The following PLCG2 variants were observed in gnomAD, a reference collection of about 807,000 sequenced individuals.
PLCG2 encodes 1-phosphatidylinositol 4,5-bisphosphate phosphodiesterase gamma-2.
In PLCG2, 69 loss-of-function variants were observed where a neutral mutation model predicts 175.6. The observed-to-expected ratio is 0.39, with a 90% CI of 0.32 to 0.48. The LOEUF (loss-of-function observed/expected upper bound fraction) is 0.48, where lower values mean the gene tolerates loss of function less well. PLCG2 is among the 20% of genes least tolerant of loss of function. The pLI, the probability that PLCG2 is intolerant of heterozygous loss-of-function variation, is 0.91. For missense variants in PLCG2, 1,798 were observed against 1,650.9 expected (o/e 1.09, Z -1.54); for synonymous variants, 827 against 624.0 (o/e 1.33, Z -4.85).
At chr16:81,868,511 C>T (rs531772596) in intron 5 of PLCG2, among the ~76,000 whole-genome samples, 1 of 152,284 alleles carries the variant, frequency 6.6e-6, no homozygotes, top group South Asian at 2.1e-4. Flanking sequence ...GGTTTTGGTT[C>T]CTCTGGGTGG....
chr16:81,939,822 A>G, intron 29 of PLCG2, 70 bp from the exon 30 acceptor site: 1 of 985,544 alleles, frequency 1.0e-6, no homozygotes, highest in East Asian at 2.4e-5. Flanking sequence ...CAGCTGAAGG[A>G]TGCGGAGATT....
Position 81,865,045 on chromosome 16 carries a change from TG to T in PLCG2, c.480-4164del, listed in dbSNP as rs557117869. 2.6e-4 allele frequency among the ~76,000 whole-genome samples: 39 copies of T among 152,212 alleles called. 1 individual carries two copies. In the East Asian group the frequency reaches 7.3e-3, roughly 29 times the overall value. ...ACTAGGGAGTGCAGGGTCATCACCCTGGGGGAAGGAAGGCAGCTGGAACAGG... is the reference window on the plus strand; with the variant it reads ...ACTAGGGAGTGCAGGGTCATCACCCTGGGGAAGGAAGGCAGCTGGAACAGG... On this transcript the variant is annotated intron_variant, in intron 5 of 32. Transcript: ENST00000564138.
intron 9 of PLCG2, among the ~76,000 whole-genome samples, chr16:81,887,995 A>C (rs571673622): frequency 6.6e-6 from 1 of 151,894 alleles, no homozygotes; most frequent in East Asian, 1.9e-4. Context: ...AAAAGAGGGC[A>C]TATGATTACA....
chr16:81,935,598 A>T (rs1220042315), intron 26 of PLCG2: 1 of 985,140 alleles, frequency 1.0e-6, no homozygotes, highest in Non-Finnish European at 1.2e-6. Flanking sequence ...GCCAGTCCCT[A>T]GGAACTTCTA....
intron 11 of PLCG2, 65 bp from the exon 12 acceptor site, chr16:81,893,644 G>T (rs1393322051): frequency 1.1e-6 from 1 of 939,142 alleles, no homozygotes; most frequent in African/African-American, 1.6e-5. Flanking sequence ...ACCCTGAGGT[G>T]CAGGCTTGCC....
intron 1 of PLCG2, among the ~76,000 whole-genome samples, chr16:81,749,808 C>T (rs1320153659): frequency 2.0e-5 from 3 of 152,186 alleles, no homozygotes; most frequent in African/African-American, 7.2e-5. Flanking sequence ...ATACTCACCC[C>T]ACTGTTCAAG....
rs115250436 is a variant in PLCG2, at chr16:81,877,749, C to T, written c.649-3161C>T. Among the ~76,000 whole-genome samples the T allele has an allele frequency of 7.7e-3, 1,177 of 152,072 alleles. 15 individuals carry two copies. The highest frequency in any genetic ancestry group is 0.027 in the African/African-American group (1,131 of 41,464). ...TCACTCCTCGGCATGTAGGCGTCAT[C>T]GCTTCTTGGCGTGTAGATGTCATTG... On this transcript the variant is annotated intron_variant, in intron 7 of 32. Transcript: ENST00000564138.
intron 2 of PLCG2, among the ~76,000 whole-genome samples, chr16:81,769,130 C>G (rs1293553833): frequency 6.6e-6 from 1 of 152,148 alleles, no homozygotes; most frequent in Non-Finnish European, 1.5e-5. Flanking sequence ...GTAAGTTTGT[C>G]TCAGATGCCA....
At chr16:81,912,793 T>G (rs552407627) in intron 19 of PLCG2, 77 bp downstream of exon 19, 2 of 1,470,114 alleles carry the variant, frequency 1.4e-6, no homozygotes, top group East Asian at 4.9e-5. Flanking sequence ...AGGGGGAACT[T>G]CAGGTGGAGG....
chr16:81,848,550 C>G (rs1317776748), intron 2 of PLCG2, among the ~76,000 whole-genome samples: 1 of 152,118 alleles, frequency 6.6e-6, no homozygotes, highest in African/African-American at 2.4e-5. Flanking sequence ...TTTTCTGTAC[C>G]TGGTCTCTCT....
At chr16:81,772,101 G>A (rs1745068968) in intron 2 of PLCG2, among the ~76,000 whole-genome samples, 1 of 152,056 alleles carries the variant, frequency 6.6e-6, no homozygotes, top group South Asian at 2.1e-4. Flanking sequence ...GGGTCTTTAT[G>A]GAGGTAATTA....
intron 2 of PLCG2, among the ~76,000 whole-genome samples, chr16:81,822,761 C>CAAAAAAG (rs1555509619): frequency 2.9e-5 from 2 of 69,844 alleles, no homozygotes; most frequent in Non-Finnish European, 4.7e-5. Flanking sequence ...GACTCCATCT[C>CAAAAAAG]AAAAAAAAAA....
intron 2 of PLCG2, among the ~76,000 whole-genome samples, chr16:81,792,589 A>T (rs933583342): frequency 2.0e-5 from 3 of 151,968 alleles, no homozygotes; most frequent in African/African-American, 7.2e-5. Flanking sequence ...ATTGACTCAC[A>T]CACAATATGG....
Position 81,931,671 on chromosome 16 carries a change from C to T in PLCG2, c.2739+17C>T. 1 of 1,610,260 alleles carries T rather than the reference C, an allele frequency of 6.2e-7. No individual in the cohort carries two copies. Among genetic ancestry groups the T allele is most frequent in the South Asian group, 1.1e-5 (1 of 90,840 alleles). On this transcript the variant is annotated intron_variant, in intron 25 of 32. Transcript: ENST00000564138. ...GACACCAAGGTAGGCACCTGCTCAC[C>T]CGGGTGCAGGTGGGCCTGGCATTCT...
At chr16:81,783,659 G>A (rs937574628) in intron 1 of PLCG2, among the ~76,000 whole-genome samples, 1 of 152,138 alleles carries the variant, frequency 6.6e-6, no homozygotes, top group East Asian at 1.9e-4. Flanking sequence ...TAAATGAGAC[G>A]AACCAGACAC....
At chr16:81,921,665 A>T in intron 21 of PLCG2, 1 of 294,924 alleles carries the variant, frequency 3.4e-6, no homozygotes, top group Non-Finnish European at 6.6e-6. Context: ...CTGTTGTGTA[A>T]TTTCATGCAG....
intron 5 of PLCG2, among the ~76,000 whole-genome samples, chr16:81,867,187 A>G (rs1907283847): frequency 6.6e-6 from 1 of 152,214 alleles, no homozygotes; most frequent in East Asian, 1.9e-4. Context: ...CTGGGCAGTG[A>G]CGCGCTACTT....
chr16:81,950,295 T>A (rs1379554215), intron 31 of PLCG2, among the ~76,000 whole-genome samples: 1 of 152,122 alleles, frequency 6.6e-6, no homozygotes, highest in Non-Finnish European at 1.5e-5. Context: ...TTAACATCAA[T>A]CTAGAATTTA....
chr16:81,902,661 C>G (rs1909200748), intron 14 of PLCG2, among the ~76,000 whole-genome samples: 1 of 152,074 alleles, frequency 6.6e-6, no homozygotes, highest in Non-Finnish European at 1.5e-5. Flanking sequence ...AAGCTCTACC[C>G]TCATTCCCGT....
Sources: allele counts gnomAD v4.1 joint callset (sites outside exome capture counted in the v4.1 genomes callset), GRCh38; gene constraint gnomAD v4.1.1; transcripts MANE v1.5; gene names NCBI Gene and HGNC (gene_info 2026-07-23, HGNC 2026-07-21).